The following PPIL6 variants were observed in gnomAD, a reference collection of about 807,000 sequenced individuals.
The protein encoded by PPIL6 is probable inactive peptidyl-prolyl cis-trans isomerase-like 6.
A neutral mutation model predicts 36.8 loss-of-function variants in PPIL6; 39 were observed. The ratio of observed to expected loss-of-function variants is 1.06; its 90% confidence interval spans 0.82 to 1.38. The LOEUF (loss-of-function observed/expected upper bound fraction) is 1.38, where lower values mean the gene tolerates loss of function less well. PPIL6 is among the 40% of genes most tolerant of loss of function. The probability of loss-of-function intolerance (pLI) is 0.00; values close to 1 mark genes in which losing one functional copy is unlikely to be tolerated. For synonymous variants in PPIL6, 123 were observed against 134.1 expected, an observed-to-expected ratio of 0.92 and a Z score of 0.57; for missense variants, 368 against 379.1, an observed-to-expected ratio of 0.97 and a Z score of 0.24.
At position 109,440,576 on chromosome 6, in the gene PPIL6, C is replaced by A; in HGVS notation, c.15G>T (p.Gln5His). The A allele has an allele frequency of 7.1e-7, 1 of 1,407,074 alleles. No homozygotes were observed. The highest frequency in any genetic ancestry group is 9.2e-7 in the Non-Finnish European group (1 of 1,083,816). 87.2% of individuals were successfully genotyped at this position (1,407,074 alleles called of 1,614,324 possible). A position where few individuals can be genotyped will look rare whatever the true frequency, so the allele number is the denominator to read the frequency against. The change falls in exon 1 of 8, where the codon CAG (glutamine) becomes CAT (histidine). Residue 5 changes from glutamine to histidine, a missense_variant. By Grantham distance (24) the Gln-to-His change is conservative. Transcript: ENST00000521072. ...ACCTAGCGTGCGGGGGCCCGCACGGCTGCGGCCTTGCCATGGCCGCGCCCG... is the reference window on the plus strand; with the variant it reads ...ACCTAGCGTGCGGGGGCCCGCACGGATGCGGCCTTGCCATGGCCGCGCCCG... MARP[Q>H]PCGPPHARCG...
chr6:109,409,615 G>A (rs114254057), intron 6 of PPIL6, among the ~76,000 whole-genome samples: 2,790 of 151,436 alleles, frequency 0.018, 79 homozygotes, highest in African/African-American at 0.065. Flanking sequence ...TAGATTACAT[G>A]ATCTCATATT....
At chr6:109,440,731 T>C, upstream of PPIL6, 1 of 514,258 alleles carries the variant, frequency 1.9e-6, no homozygotes, top group Admixed American at 5.3e-5. Context: ...TTTCCTCAAC[T>C]TTGCGCCTGT....
intron 6 of PPIL6, among the ~76,000 whole-genome samples, chr6:109,418,939 C>T (rs1302164412): frequency 6.6e-6 from 1 of 152,168 alleles, no homozygotes; most frequent in Non-Finnish European, 1.5e-5. Flanking sequence ...CCCTTTGACT[C>T]TACAATCCTA....
intron 2 of PPIL6, among the ~76,000 whole-genome samples, chr6:109,431,661 G>A (rs369519104): frequency 3.9e-5 from 6 of 152,188 alleles, no homozygotes; most frequent in African/African-American, 1.4e-4. Context: ...CATTTAAAAT[G>A]TAATAGCAGT....
chr6:109,430,609 T>C (rs1411551459), intron 3 of PPIL6, among the ~76,000 whole-genome samples: 1 of 152,192 alleles, frequency 6.6e-6, no homozygotes, highest in Non-Finnish European at 1.5e-5. Context: ...GTATTTTTAG[T>C]AGAGATGACG....
intron 5 of PPIL6, among the ~76,000 whole-genome samples, chr6:109,420,540 T>C (rs1052698547): frequency 6.6e-6 from 1 of 152,070 alleles, no homozygotes; most frequent in African/African-American, 2.4e-5. Flanking sequence ...GCTCCCACTA[T>C]AAAAAGACTC....
chr6:109,417,731 A>G (rs1003358883), intron 6 of PPIL6, among the ~76,000 whole-genome samples: 2 of 152,192 alleles, frequency 1.3e-5, no homozygotes, highest in Non-Finnish European at 2.9e-5. Flanking sequence ...AAAAGCCACA[A>G]CCTTGCATAA....
chr6:109,396,204 A>G (rs1033363624), intron 7 of PPIL6, among the ~76,000 whole-genome samples: 1 of 152,090 alleles, frequency 6.6e-6, no homozygotes, highest in African/African-American at 2.4e-5. Flanking sequence ...GCCTGTTATA[A>G]CCATAGCTTC....
At chr6:109,402,929 C>T (rs941665380) in intron 6 of PPIL6, 32 of 724,734 alleles carry the variant, frequency 4.4e-5, no homozygotes, top group Non-Finnish European at 6.7e-5. Flanking sequence ...AATATTAACT[C>T]TAACTAGCTT....
intron 7 of PPIL6, among the ~76,000 whole-genome samples, chr6:109,393,694 G>C (rs763774461): frequency 6.6e-6 from 1 of 152,082 alleles, no homozygotes; most frequent in Non-Finnish European, 1.5e-5. Context: ...CATGCTTCCT[G>C]TTGCTCTCTG....
intron 6 of PPIL6, among the ~76,000 whole-genome samples, chr6:109,417,186 GAAA>G (rs547054330): frequency 6.9e-6 from 1 of 144,976 alleles, no homozygotes; most frequent in Admixed American, 6.9e-5. Flanking sequence ...AAAAAAAAAA[GAAA>G]AAAAAAGGTA....
At chr6:109,438,180 G>A (rs1774559565) in intron 1 of PPIL6, among the ~76,000 whole-genome samples, 1 of 151,792 alleles carries the variant, frequency 6.6e-6, no homozygotes, top group Non-Finnish European at 1.5e-5. Context: ...ATTTCTTTGT[G>A]TTGGGAACAT....
At chr6:109,420,452 T>C (rs1365700401) in intron 5 of PPIL6, among the ~76,000 whole-genome samples, 1 of 152,036 alleles carries the variant, frequency 6.6e-6, no homozygotes, top group African/African-American at 2.4e-5. Context: ...ACCTAGCATA[T>C]TGGAAATAAA....
In PPIL6 at chr6:109,419,248, GA is replaced by G; in HGVS notation, c.632-6del. The G allele has an allele frequency of 6.6e-7, 1 of 1,514,556 alleles. No homozygotes were observed. The highest frequency in any genetic ancestry group is 9.2e-7 in the Non-Finnish European group (1 of 1,092,254). 93.8% of individuals were successfully genotyped at this position (1,514,556 alleles called of 1,614,324 possible). A position where few individuals can be genotyped will look rare whatever the true frequency, so the allele number is the denominator to read the frequency against. On this transcript the variant is annotated splice_region_variant and splice_polypyrimidine_tract_variant and intron_variant, in intron 5 of 7. Coordinates refer to ENST00000521072, the MANE Select transcript of PPIL6 (RefSeq NM_173672.5). ...CTCCTTTTCCATACACTATATCTGA[GA>G]AATAGCAACAAATAAACATTAGAAT...
chr6:109,441,013 C>T (rs1774842363), upstream of PPIL6: 3 of 1,148,390 alleles, frequency 2.6e-6, no homozygotes, highest in Non-Finnish European at 3.8e-6. Context: ...TGCGCGCCGC[C>T]TGCGAAGAAG....
chr6:109,400,156 C>T lies in PPIL6; in HGVS notation c.703G>A (p.Val235Ile), dbSNP rs781621884. ...GPTFEDENFSVPHNKRGVLGM... is the reference protein window; with the variant it reads ...GPTFEDENFSIPHNKRGVLGM... ...AGTACTCCTCTTTTATTATGAGGAACTGAAAAGTTTTCATCTAGGAAAGAC... is the reference window on the plus strand; with the variant it reads ...AGTACTCCTCTTTTATTATGAGGAATTGAAAAGTTTTCATCTAGGAAAGAC... Residue 235 changes from valine (V) to isoleucine (I), a missense_variant, in exon 7 of 8, where the codon GTT (valine) becomes ATT (isoleucine). Val to Ile is a conservative substitution (Grantham distance 29). Coordinates refer to ENST00000521072, the MANE Select transcript of PPIL6 (RefSeq NM_173672.5). 1 of 1,611,810 alleles carries T rather than the reference C, an allele frequency of 6.2e-7. No homozygotes were observed. The highest frequency in any genetic ancestry group is 1.1e-5 in the South Asian group (1 of 90,802).
At chr6:109,397,895 CT>C (rs66666058) in intron 7 of PPIL6, among the ~76,000 whole-genome samples, 21,505 of 143,000 alleles carry the variant, frequency 0.15, 3,896 homozygotes, top group African/African-American at 0.44. Flanking sequence ...GGATTTAAAA[CT>C]TTTTTTTTTT....
intron 7 of PPIL6, among the ~76,000 whole-genome samples, chr6:109,394,699 C>T (rs565382271): frequency 1.3e-5 from 2 of 152,334 alleles, no homozygotes; most frequent in Admixed American, 1.3e-4. Flanking sequence ...GGACAACATT[C>T]TGAGGATGAA....
intron 1 of PPIL6, among the ~76,000 whole-genome samples, chr6:109,437,143 C>T (rs1774490831): frequency 6.6e-6 from 1 of 152,186 alleles, no homozygotes; most frequent in Admixed American, 6.5e-5. Flanking sequence ...GTTAGCAATC[C>T]AGGCTTGGTT....
Sources: gnomAD v4.1 joint callset for allele counts (sites outside exome capture counted in the v4.1 genomes callset) on GRCh38, gnomAD v4.1.1 for gene constraint, MANE v1.5 for transcripts, NCBI Gene and HGNC (gene_info 2026-07-23, HGNC 2026-07-21) for gene names.